The following DLG2 variants were observed in gnomAD, a reference collection of about 807,000 sequenced individuals.
The protein encoded by DLG2 is disks large homolog 2.
In DLG2, 45 loss-of-function variants were observed where a neutral mutation model predicts 132.5. The observed-to-expected ratio is 0.34, with a 90% confidence interval of 0.27 to 0.44. The LOEUF is 0.44. Ranked by LOEUF, DLG2 falls within the 20% of genes least tolerant of loss-of-function variation. The probability of loss-of-function intolerance (pLI) is 1.00; values close to 1 mark genes in which losing one functional copy is unlikely to be tolerated. For synonymous variants in DLG2, 424 were observed against 419.6 expected, an observed-to-expected ratio of 1.01 and a Z score of -0.13; for missense variants, 1,045 against 1,196.9, an observed-to-expected ratio of 0.87 and a Z score of 1.87.
chr11:84,069,071 G>A (rs1002389953), intron 10 of DLG2, among the ~76,000 whole-genome samples: 63 of 152,178 alleles, frequency 4.1e-4, no homozygotes, highest in Non-Finnish European at 7.3e-5. Flanking sequence ...ACTTTGGGGA[G>A]GGCTTGTTAA....
At chr11:84,345,208 C>G (rs1164357460) in intron 7 of DLG2, among the ~76,000 whole-genome samples, 1 of 152,134 alleles carries the variant, frequency 6.6e-6, no homozygotes, top group African/African-American at 2.4e-5. Context: ...TGTGGGCCAG[C>G]AGGAACAAAT....
At chr11:83,861,998 C>G (rs1480254269) in intron 16 of DLG2, among the ~76,000 whole-genome samples, 2 of 152,124 alleles carry the variant, frequency 1.3e-5, no homozygotes, top group Admixed American at 6.6e-5. Flanking sequence ...TAAATATATA[C>G]ACTTATTTTG....
intron 6 of DLG2, among the ~76,000 whole-genome samples, chr11:85,056,755 T>C (rs562203842): frequency 6.6e-6 from 1 of 152,038 alleles, no homozygotes; most frequent in South Asian, 2.1e-4. Context: ...AAGCAGACAT[T>C]AATTATAAAG....
Position 83,887,990 on chromosome 11 carries a change from A to G in DLG2, c.1497-13502T>C, listed in dbSNP as rs1165617283. On this transcript the variant is annotated intron_variant, in intron 15 of 27. Transcript: ENST00000376104. ...TATCTATGACAAACCCACAGCCAAT[A>G]TCATACTGAATGGGCAAAAACTGGA... Among the ~76,000 whole-genome samples the G allele has an allele frequency of 5.0e-5, 7 of 139,434 alleles. No individual in the cohort carries two copies. The East Asian group carries it at 1.0e-3, about 21-fold the overall frequency. 91.5% of individuals were successfully genotyped at this position (139,434 alleles called of 152,430 possible).
chr11:83,827,869 A>C lies in DLG2; in HGVS notation c.1722+5745T>G, dbSNP rs112163139. ...TGAATGCCCTAAATTCTCCTCCATGAATACATCAAGAATATGGTTCAATTA... is the reference window on the plus strand; with the variant it reads ...TGAATGCCCTAAATTCTCCTCCATGCATACATCAAGAATATGGTTCAATTA... On this transcript the variant is annotated intron_variant, in intron 17 of 27. Transcript: ENST00000376104. 5.8e-4 allele frequency among the ~76,000 whole-genome samples: 89 copies of C among 152,316 alleles called. 1 individual carries two copies. Among genetic ancestry groups the C allele is most frequent in the African/African-American group, 1.9e-3 (79 of 41,574 alleles).
chr11:83,535,859 T>C (rs925428774), intron 20 of DLG2, among the ~76,000 whole-genome samples: 10 of 152,230 alleles, frequency 6.6e-5, no homozygotes, highest in South Asian at 2.1e-4. Context: ...AACCTAAGGA[T>C]TTAGGTATTA....
At chr11:85,175,183 A>G (rs1319735175) in intron 4 of DLG2, among the ~76,000 whole-genome samples, 1 of 152,196 alleles carries the variant, frequency 6.6e-6, no homozygotes, top group Non-Finnish European at 1.5e-5. Context: ...CTTCAGGCCA[A>G]TATTCCTGAT....
intron 17 of DLG2, among the ~76,000 whole-genome samples, chr11:83,826,835 G>A (rs932671114): frequency 6.6e-6 from 1 of 152,152 alleles, no homozygotes; most frequent in Admixed American, 6.5e-5. Flanking sequence ...GTGTGGCTTA[G>A]GTGAAAGGTT....
At chr11:84,714,553 C>CTTTCTCTCTCTCTCTCTT (rs397956960) in intron 6 of DLG2, among the ~76,000 whole-genome samples, 2 of 109,202 alleles carry the variant, frequency 1.8e-5, no homozygotes, top group Non-Finnish European at 3.4e-5. Context: ...TTCTCTTTCT[C>CTTTCTCTCTCTCTCTCTT]TCTCTTTCTC....
chr11:84,412,860 AC>A (rs1432498765), intron 7 of DLG2, among the ~76,000 whole-genome samples: 1 of 152,160 alleles, frequency 6.6e-6, no homozygotes, highest in Non-Finnish European at 1.5e-5. Context: ...TTTACCGGAA[AC>A]CTCCAAGATA....
chr11:85,342,360 C>T lies in DLG2; in HGVS notation c.41-56995G>A, dbSNP rs543802909. 7.9e-5 allele frequency among the ~76,000 whole-genome samples: 12 copies of T among 152,128 alleles called. 1 individual carries two copies. The South Asian group carries it at 2.5e-3, about 32-fold the overall frequency. Reference sequence around the variant, plus strand: ...TGTTAAAAACTAAGACACAAACACACATATTAGCCTAGGCCTATATGAGGT... The same window carrying T: ...TGTTAAAAACTAAGACACAAACACATATATTAGCCTAGGCCTATATGAGGT... On this transcript the variant is annotated intron_variant, in intron 3 of 27. Coordinates refer to ENST00000376104, the MANE Select transcript of DLG2 (RefSeq NM_001142699.3).
intron 9 of DLG2, among the ~76,000 whole-genome samples, chr11:84,110,096 A>G (rs757528649): frequency 6.6e-6 from 1 of 152,192 alleles, no homozygotes; most frequent in Non-Finnish European, 1.5e-5. Flanking sequence ...ATGTGCTCAA[A>G]AACAACAAAT....
intron 16 of DLG2, among the ~76,000 whole-genome samples, chr11:83,847,883 G>A (rs2058929651): frequency 6.6e-6 from 1 of 152,214 alleles, no homozygotes; most frequent in Admixed American, 6.5e-5. Context: ...CATTATAAAC[G>A]TTCCTCTCTG....
intron 21 of DLG2, among the ~76,000 whole-genome samples, chr11:83,485,938 A>G (rs201482944): frequency 1.3e-5 from 2 of 152,256 alleles, no homozygotes; most frequent in East Asian, 3.9e-4. Context: ...ATAAGGTTTT[A>G]TGAAAAATAA....
intron 14 of DLG2, among the ~76,000 whole-genome samples, chr11:83,934,981 A>G (rs2081142446): frequency 6.6e-6 from 1 of 152,192 alleles, no homozygotes; most frequent in Non-Finnish European, 1.5e-5. Context: ...ATATATGTAT[A>G]TGATTTTGAG....
intron 6 of DLG2, among the ~76,000 whole-genome samples, chr11:85,087,595 T>C (rs1275485563): frequency 2.0e-5 from 3 of 151,844 alleles, no homozygotes; most frequent in Non-Finnish European, 2.9e-5. Context: ...TCCCAGCACT[T>C]TGGGAGGCCG....
intron 7 of DLG2, among the ~76,000 whole-genome samples, chr11:84,340,210 A>T (rs2098508040): frequency 6.6e-6 from 1 of 152,230 alleles, no homozygotes; most frequent in South Asian, 2.1e-4. Flanking sequence ...ATAATCTAAA[A>T]TTGCTTTTAA....
chr11:84,956,389 G>A (rs1470477794), intron 6 of DLG2, among the ~76,000 whole-genome samples: 1 of 152,158 alleles, frequency 6.6e-6, no homozygotes. Context: ...TTTAGTATGT[G>A]TAAATTATTC....
intron 7 of DLG2, among the ~76,000 whole-genome samples, chr11:84,262,150 G>C (rs763353111): frequency 2.0e-5 from 3 of 152,160 alleles, no homozygotes; most frequent in Non-Finnish European, 4.4e-5. Context: ...GCATGGACCT[G>C]TAACACAACT....
Sources: gnomAD v4.1 joint callset for allele counts (sites outside exome capture counted in the v4.1 genomes callset) on GRCh38, gnomAD v4.1.1 for gene constraint, MANE v1.5 for transcripts, NCBI Gene and HGNC (gene_info 2026-07-23, HGNC 2026-07-21) for gene names.